EYS: variants seen among roughly 807,000 people sequenced by gnomAD.
The protein encoded by EYS is protein eyes shut homolog.
In EYS, 250 loss-of-function variants were observed where a neutral mutation model predicts 282.1. That is an observed-to-expected ratio of 0.89 (90% CI 0.80 to 0.98). EYS has a LOEUF of 0.98. Among genes scored for constraint, EYS ranks in the 50% least tolerant of loss-of-function variants. The probability of loss-of-function intolerance (pLI) is 0.00; values close to 1 mark genes in which losing one functional copy is unlikely to be tolerated. For synonymous variants in EYS, 1,355 were observed against 1,282.9 expected (o/e 1.06, Z -1.20); for missense variants, 4,016 against 3,709.0 (o/e 1.08, Z -2.15).
chr6:63,726,660 A>G lies in EYS; in HGVS notation c.8092T>C (p.Ser2698Pro). 6.4e-7 allele frequency: 1 copy of G among 1,551,324 alleles called. No individual in the cohort carries two copies. ...CEQALSISDPSFRSNELSWMS... is the reference protein window; with the variant it reads ...CEQALSISDPPFRSNELSWMS... ...CAGGATAACTCATTGCTTCTGAAAGATGGATCACTTATGGATAAAGCTGAG... is the reference window on the plus strand; with the variant it reads ...CAGGATAACTCATTGCTTCTGAAAGGTGGATCACTTATGGATAAAGCTGAG... The change falls in exon 42 of 43, where the codon TCT (serine) becomes CCT (proline). Residue 2698 changes from serine to proline, a missense_variant. Physicochemically the swap from Ser to Pro is moderately conservative, Grantham distance 74. Transcript: ENST00000503581.
chr6:64,149,491 C>A (rs552827957), intron 31 of EYS, among the ~76,000 whole-genome samples: 1 of 152,040 alleles, frequency 6.6e-6, no homozygotes. Flanking sequence ...GAAGATTTTG[C>A]GAGGATAGGA....
At chr6:65,091,117 T>C (rs1774544885) in intron 12 of EYS, among the ~76,000 whole-genome samples, 1 of 151,706 alleles carries the variant, frequency 6.6e-6, no homozygotes, top group Non-Finnish European at 1.5e-5. Context: ...TTAGGAGAAA[T>C]TTAATTCTCA....
chr6:65,434,875 ATC>A (rs1446238966), intron 5 of EYS, among the ~76,000 whole-genome samples: 7 of 152,102 alleles, frequency 4.6e-5, no homozygotes, highest in Non-Finnish European at 1.0e-4. Context: ...TCAATTAAAT[ATC>A]TCTTTCTTTT....
chr6:65,183,873 G>A (rs902319400), intron 12 of EYS, among the ~76,000 whole-genome samples: 1 of 151,762 alleles, frequency 6.6e-6, no homozygotes, highest in Non-Finnish European at 1.5e-5. Context: ...AGCAATGACT[G>A]CATTGTTACC....
Position 65,519,800 on chromosome 6 carries a change from C to G in EYS, c.-332-23807G>C, listed in dbSNP as rs991679154. ...GAGTGCTCACAGTTCACTGCAGCCT[C>G]AACCTCCCGCGGCTTAGGTGATCCT... On this transcript the variant is annotated intron_variant, in intron 2 of 42. Transcript: ENST00000503581. Among the ~76,000 whole-genome samples, 13 of 140,188 alleles carry G rather than the reference C, an allele frequency of 9.3e-5. No homozygotes were observed. The Admixed American group carries it at 9.6e-4, about 10-fold the overall frequency. The allele number at this position is 140,188 out of a possible 152,430, so 92.0% of individuals were successfully genotyped here. A position where few individuals can be genotyped will look rare whatever the true frequency, so the allele number is the denominator to read the frequency against.
At chr6:65,249,162 TA>T (rs1481674416) in intron 12 of EYS, among the ~76,000 whole-genome samples, 2 of 151,662 alleles carry the variant, frequency 1.3e-5, no homozygotes, top group Non-Finnish European at 2.9e-5. Context: ...GCATCACTGA[TA>T]TTTTTCAGAG....
chr6:64,626,104 AT>A lies in EYS; in HGVS notation c.3568+16del. On this transcript the variant is annotated intron_variant, in intron 23 of 42. Transcript: ENST00000503581. ...TTATTATATATGCAGTATGCTTATT[AT>A]TTTTAAAATAATTACCTGGTTGGCA... 1 of 1,455,384 alleles carries A rather than the reference AT, an allele frequency of 6.9e-7. No homozygotes were observed. Among genetic ancestry groups the A allele is most frequent in the Non-Finnish European group, 9.4e-7 (1 of 1,067,478 alleles). The allele number at this position is 1,455,384 out of a possible 1,614,324, so 90.2% of individuals were successfully genotyped here. A position where few individuals can be genotyped will look rare whatever the true frequency, so the allele number is the denominator to read the frequency against.
intron 26 of EYS, among the ~76,000 whole-genome samples, chr6:64,447,565 A>G (rs947947435): frequency 6.6e-6 from 1 of 152,264 alleles, no homozygotes; most frequent in Non-Finnish European, 1.5e-5. Flanking sequence ...ATTCATTAGT[A>G]CCTTGATCAA....
intron 33 of EYS, among the ~76,000 whole-genome samples, chr6:64,037,091 A>T (rs1770159617): frequency 6.6e-6 from 1 of 152,206 alleles, no homozygotes; most frequent in Non-Finnish European, 1.5e-5. Context: ...ATGTGGTTAT[A>T]TACTACCCTG....
At chr6:64,215,545 G>T (rs1457502588) in intron 31 of EYS, among the ~76,000 whole-genome samples, 4 of 151,910 alleles carry the variant, frequency 2.6e-5, no homozygotes, top group African/African-American at 9.7e-5. Context: ...CCTCTAATTT[G>T]CTATAAATGG....
At chr6:65,687,426 C>T (rs1769063122) in intron 1 of EYS, among the ~76,000 whole-genome samples, 1 of 151,974 alleles carries the variant, frequency 6.6e-6, no homozygotes, top group Non-Finnish European at 1.5e-5. Flanking sequence ...TCAAATAACT[C>T]CCTACTTTTC....
In EYS at chr6:63,790,505, C is replaced by T. The variant is rs319929; in HGVS notation, c.7412-1281G>A. ...AGAGCAACTGTATTAAGTGACCTAC[C>T]ATAGACCGAGTACATTGGGAACTTA... is the stretch of plus-strand genomic sequence containing the variant. On this transcript the variant is annotated intron_variant, in intron 37 of 42. Transcript: ENST00000503581. 6.3e-3 allele frequency among the ~76,000 whole-genome samples: 960 copies of T among 152,324 alleles called. 9 individuals are homozygous for T. The highest frequency in any genetic ancestry group is 0.022 in the African/African-American group (897 of 41,572).
At chr6:65,614,678 T>C (rs1562289244) in intron 2 of EYS, among the ~76,000 whole-genome samples, 1 of 152,088 alleles carries the variant, frequency 6.6e-6, no homozygotes, top group Non-Finnish European at 1.5e-5. Context: ...TATTATTAGA[T>C]AGAGAAAGTG....
At chr6:64,359,155 C>G (rs1771926083) in intron 29 of EYS, among the ~76,000 whole-genome samples, 1 of 151,546 alleles carries the variant, frequency 6.6e-6, no homozygotes. Flanking sequence ...ATTAACAACT[C>G]TCATATGCTT....
At chr6:64,146,187 A>G (rs533242867) in intron 31 of EYS, among the ~76,000 whole-genome samples, 4 of 152,292 alleles carry the variant, frequency 2.6e-5, no homozygotes, top group Admixed American at 1.3e-4. Context: ...TTGTGAATAT[A>G]ATTAGCTATT....
intron 14 of EYS, among the ~76,000 whole-genome samples, chr6:64,966,966 C>T (rs12175848): frequency 0.068 from 10,288 of 152,182 alleles, 441 homozygotes; most frequent in East Asian, 0.13. Context: ...AGGTAGCCCT[C>T]CAGTTAGCAC....
At chr6:64,240,193 C>T (rs897698011) in intron 30 of EYS, among the ~76,000 whole-genome samples, 3 of 152,152 alleles carry the variant, frequency 2.0e-5, no homozygotes, top group South Asian at 4.1e-4. Context: ...AGTGTGATGC[C>T]TCCAGGCTTG....
At chr6:65,473,940 T>G (rs1256615967) in intron 5 of EYS, among the ~76,000 whole-genome samples, 1 of 151,978 alleles carries the variant, frequency 6.6e-6, no homozygotes, top group African/African-American at 2.4e-5. Context: ...ATGATGAGGT[T>G]CTTGGGACTT....
chr6:64,320,113 G>C (rs939376219), intron 29 of EYS, among the ~76,000 whole-genome samples: 15 of 151,776 alleles, frequency 9.9e-5, no homozygotes, highest in African/African-American at 3.4e-4. Flanking sequence ...TTTAAAGTCA[G>C]CACTTAAAAG....
Sources: allele counts gnomAD v4.1 joint callset (sites outside exome capture counted in the v4.1 genomes callset), GRCh38; gene constraint gnomAD v4.1.1; transcripts MANE v1.5; gene names NCBI Gene and HGNC (gene_info 2026-07-23, HGNC 2026-07-21).